KPNA1: variants seen among roughly 807,000 people sequenced by gnomAD.
KPNA1 encodes the protein importin subunit alpha-5.
Under a neutral mutation model 70.5 loss-of-function variants are expected in KPNA1, and 10 were observed. The observed-to-expected ratio is 0.14, with a 90% CI of 0.09 to 0.24. The LOEUF (loss-of-function observed/expected upper bound fraction) is 0.24, where lower values mean the gene tolerates loss of function less well. Among genes scored for constraint, KPNA1 ranks in the 10% least tolerant of loss-of-function variants. The pLI is 1.00. For missense variants in KPNA1, 397 were observed against 637.9 expected, an observed-to-expected ratio of 0.62 and a Z score of 4.07; for synonymous variants, 192 against 221.9, an observed-to-expected ratio of 0.87 and a Z score of 1.20.
At chr3:122,457,036 A>G (rs2076272102) in intron 5 of KPNA1, among the ~76,000 whole-genome samples, 1 of 152,232 alleles carries the variant, frequency 6.6e-6, no homozygotes, top group Admixed American at 6.5e-5. Flanking sequence ...CCACATATGT[A>G]TGAGAGGAGG....
intron 5 of KPNA1, chr3:122,459,599 C>T (rs544382550): frequency 1.0e-6 from 1 of 985,420 alleles, no homozygotes; most frequent in South Asian, 4.7e-5. Context: ...TCTTCCCTTG[C>T]TCTCAGGGTG....
At chr3:122,477,005 A>G (rs910631715) in intron 2 of KPNA1, among the ~76,000 whole-genome samples, 3 of 152,190 alleles carry the variant, frequency 2.0e-5, no homozygotes, top group African/African-American at 7.2e-5. Flanking sequence ...ATTATTCACA[A>G]TAGCCAAGAT....
At position 122,489,053 on chromosome 3, in the gene KPNA1, C is replaced by CGTGTGTGTGTGT. The variant is rs111683855; in HGVS notation, c.129+7383_129+7384insACACACACACAC. On this transcript the variant is annotated intron_variant, in intron 2 of 13. Transcript: ENST00000344337. ...CATAACTCGCTTGTGGGTTTTTTTG[C>CGTGTGTGTGTGT]GTGCGTGTGTGTGTGTGTGTGTGTG... is the stretch of plus-strand genomic sequence containing the variant. 5.5e-4 allele frequency among the ~76,000 whole-genome samples: 65 copies of CGTGTGTGTGTGT among 118,802 alleles called. 1 individual carries two copies. The highest frequency in any genetic ancestry group is 8.8e-3 in the Middle Eastern group (2 of 228). The allele number at this position is 118,802 out of a possible 152,430, so 77.9% of individuals were successfully genotyped here.
intron 2 of KPNA1, among the ~76,000 whole-genome samples, chr3:122,479,792 G>C (rs1338564101): frequency 6.6e-6 from 1 of 151,834 alleles, no homozygotes; most frequent in Admixed American, 6.6e-5. Context: ...TCTTCCATAG[G>C]ATCAGCAACA....
chr3:122,486,733 A>G (rs182783166), intron 2 of KPNA1, among the ~76,000 whole-genome samples: 1,838 of 151,906 alleles, frequency 0.012, 32 homozygotes, highest in African/African-American at 0.042. Context: ...GACTACAGGC[A>G]CCGCCACCAC....
chr3:122,478,894 C>CCA (rs2076537275), intron 2 of KPNA1, among the ~76,000 whole-genome samples: 1 of 18,684 alleles, frequency 5.4e-5, no homozygotes, highest in Non-Finnish European at 8.8e-5. Flanking sequence ...AACCTCGTCT[C>CCA]AAAAAAAAAA....
chr3:122,445,387 T>G (rs1173565259), intron 9 of KPNA1, among the ~76,000 whole-genome samples: 1 of 147,418 alleles, frequency 6.8e-6, no homozygotes, highest in Non-Finnish European at 1.5e-5. Context: ...TTCAAAAGAG[T>G]TTTCAACCAA....
chr3:122,488,856 T>C (rs1210329311), intron 2 of KPNA1, among the ~76,000 whole-genome samples: 3 of 152,218 alleles, frequency 2.0e-5, no homozygotes, highest in Non-Finnish European at 4.4e-5. Context: ...TGACGTAGTT[T>C]TCTTCATCTT....
intron 13 of KPNA1, 24 bp from the exon 14 acceptor site, chr3:122,427,196 T>C: frequency 6.4e-7 from 1 of 1,556,128 alleles, no homozygotes; most frequent in Non-Finnish European, 8.8e-7. Flanking sequence ...TAAAGGAAAA[T>C]CTTTATTGAA....
At chr3:122,503,137 C>G (rs886250277) in intron 1 of KPNA1, among the ~76,000 whole-genome samples, 1 of 151,918 alleles carries the variant, frequency 6.6e-6, no homozygotes, top group African/African-American at 2.4e-5. Context: ...AAAAAGCCAA[C>G]AGTAAACTCC....
intron 2 of KPNA1, 75 bp from the exon 3 acceptor site, chr3:122,467,504 A>AC: frequency 1.3e-6 from 1 of 799,164 alleles, no homozygotes; most frequent in Non-Finnish European, 2.0e-6. Context: ...AATACTAGGC[A>AC]CCCCATTCAA....
chr3:122,467,015 A>T (rs1456965656), intron 3 of KPNA1, among the ~76,000 whole-genome samples: 1 of 120,046 alleles, frequency 8.3e-6, no homozygotes, highest in East Asian at 2.6e-4. Flanking sequence ...ACATAAATAA[A>T]TAAATAAATA....
rs558083323 is a variant in KPNA1 at position 122,484,982 on chromosome 3, C to T, written c.129+11455G>A. ...GCACAATCATACCTCATTGCTGCCTCGAATTTCTGGGCTCAAGCAATCCTT... is the reference window on the plus strand; with the variant it reads ...GCACAATCATACCTCATTGCTGCCTTGAATTTCTGGGCTCAAGCAATCCTT... On this transcript the variant is annotated intron_variant, in intron 2 of 13. Transcript: ENST00000344337. Among the ~76,000 whole-genome samples, 3 of 152,274 alleles carry T rather than the reference C, an allele frequency of 2.0e-5. No individual in the cohort carries two copies. In the East Asian group the frequency reaches 5.8e-4, roughly 29 times the overall value.
At chr3:122,501,346 G>A (rs2076827553) in intron 1 of KPNA1, among the ~76,000 whole-genome samples, 1 of 151,986 alleles carries the variant, frequency 6.6e-6, no homozygotes, top group Admixed American at 6.6e-5. Context: ...TTTAACAAAG[G>A]CATTCACAAC....
intron 3 of KPNA1, among the ~76,000 whole-genome samples, chr3:122,464,911 G>A (rs544066629): frequency 2.3e-4 from 35 of 152,138 alleles, no homozygotes; most frequent in Middle Eastern, 3.2e-3. Flanking sequence ...AATATATGAC[G>A]CATTCTACTC....
Position 122,425,328 on chromosome 3 carries a change from T to TATA in KPNA1, c.*1654_*1656dup, listed in dbSNP as rs1363847851. On this transcript the variant is annotated 3_prime_UTR_variant, in exon 14 of 14. Coordinates refer to ENST00000344337, the MANE Select transcript of KPNA1 (RefSeq NM_002264.4). ...CATTCAGCAGGATTTACCAGAGATG[T>TATA]ATAATAGCTTGTCAGGGGCAACTTC... 6.6e-6 allele frequency: 1 copy of TATA among 152,654 alleles called. No homozygotes were observed. Among genetic ancestry groups the TATA allele is most frequent in the African/African-American group, 2.4e-5 (1 of 41,458 alleles). 9.5% of individuals were successfully genotyped at this position (152,654 alleles called of 1,614,324 possible). A position where few individuals can be genotyped will look rare whatever the true frequency, so the allele number is the denominator to read the frequency against.
At chr3:122,446,569 AG>A (rs1246470540) in intron 9 of KPNA1, among the ~76,000 whole-genome samples, 1 of 152,266 alleles carries the variant, frequency 6.6e-6, no homozygotes, top group Non-Finnish European at 1.5e-5. Context: ...AAGAGAAAGC[AG>A]GAAAGATCTA....
intron 2 of KPNA1, among the ~76,000 whole-genome samples, chr3:122,496,142 A>G (rs1056011695): frequency 6.6e-6 from 1 of 152,242 alleles, no homozygotes; most frequent in Non-Finnish European, 1.5e-5. Context: ...TTAAAGAAGA[A>G]AGTTGCACCC....
intron 5 of KPNA1, among the ~76,000 whole-genome samples, chr3:122,454,809 T>C (rs997203074): frequency 3.3e-5 from 5 of 152,126 alleles, no homozygotes; most frequent in African/African-American, 1.2e-4. Flanking sequence ...TGACTAAAGG[T>C]TGATATATAG....
Sources: allele counts gnomAD v4.1 joint callset (sites outside exome capture counted in the v4.1 genomes callset), GRCh38; gene constraint gnomAD v4.1.1; transcripts MANE v1.5; gene names NCBI Gene and HGNC (gene_info 2026-07-23, HGNC 2026-07-21).